The following RAD51B variants were observed in gnomAD, a reference collection of about 807,000 sequenced individuals.
RAD51B encodes the protein RAD51 paralog B, also known as DNA repair protein RAD51 homolog 2.
In RAD51B, 38 loss-of-function variants were observed where a neutral mutation model predicts 42.2. The observed-to-expected ratio is 0.90, with a 90% CI of 0.70 to 1.18. The LOEUF is 1.18. Among genes scored for constraint, RAD51B ranks in the 50% most tolerant of loss-of-function variants. The pLI is 0.00. For synonymous variants in RAD51B, 154 were observed against 145.2 expected (o/e 1.06, Z -0.43); for missense variants, 373 against 400.7 (o/e 0.93, Z 0.59).
chr14:68,134,896 A>G (rs1319001703), intron 7 of RAD51B, among the ~76,000 whole-genome samples: 1 of 151,846 alleles, frequency 6.6e-6, no homozygotes, highest in East Asian at 1.9e-4. Context: ...CATCCTGTTA[A>G]CAGGGTTTTT....
intron 7 of RAD51B, among the ~76,000 whole-genome samples, chr14:68,184,078 G>GGGA (rs2079107067): frequency 7.7e-6 from 1 of 129,404 alleles, no homozygotes; most frequent in Non-Finnish European, 1.6e-5. Context: ...GGGCGACAGA[G>GGGA]GGAGACTCCA....
chr14:68,602,799 C>T (rs189018372), intron 10 of RAD51B, among the ~76,000 whole-genome samples: 6 of 152,200 alleles, frequency 3.9e-5, no homozygotes, highest in East Asian at 1.9e-4. Flanking sequence ...ACGAGATATC[C>T]GGGTACTATG....
intron 9 of RAD51B, among the ~76,000 whole-genome samples, chr14:68,416,869 A>G (rs1271377117): frequency 1.3e-5 from 2 of 152,224 alleles, no homozygotes; most frequent in Non-Finnish European, 2.9e-5. Context: ...GCTTTCAGGG[A>G]CCAGATAGCA....
chr14:68,059,373 G>A (rs1428410140), intron 7 of RAD51B, among the ~76,000 whole-genome samples: 1 of 152,052 alleles, frequency 6.6e-6, no homozygotes, highest in Non-Finnish European at 1.5e-5. Flanking sequence ...GAGTTTTCAC[G>A]TTGACCTTCA....
At chr14:68,322,764 A>C (rs2139770127) in intron 8 of RAD51B, among the ~76,000 whole-genome samples, 1 of 152,316 alleles carries the variant, frequency 6.6e-6, no homozygotes, top group African/African-American at 2.4e-5. Flanking sequence ...AAGCTAGGAC[A>C]GGCCTGGGTA....
intron 7 of RAD51B, among the ~76,000 whole-genome samples, chr14:68,105,814 C>T (rs1224141713): frequency 6.6e-6 from 1 of 151,926 alleles, no homozygotes. Flanking sequence ...CATTTACAAG[C>T]ACAGAAACAA....
At chr14:67,973,216 T>C (rs2074930770) in intron 7 of RAD51B, among the ~76,000 whole-genome samples, 1 of 152,146 alleles carries the variant, frequency 6.6e-6, no homozygotes, top group African/African-American at 2.4e-5. Context: ...GTAAGTGAGC[T>C]TGAATTCAAC....
At chr14:68,310,827 A>G (rs2081954878) in intron 8 of RAD51B, among the ~76,000 whole-genome samples, 1 of 152,198 alleles carries the variant, frequency 6.6e-6, no homozygotes, top group Non-Finnish European at 1.5e-5. Flanking sequence ...CCTGGGCCAC[A>G]GAGCAAGACT....
intron 10 of RAD51B, among the ~76,000 whole-genome samples, chr14:68,637,807 TAC>T (rs898501054): frequency 5.9e-5 from 9 of 151,996 alleles, no homozygotes; most frequent in East Asian, 1.9e-4. Context: ...CCTCTTCACA[TAC>T]ACACACACAC....
chr14:68,337,654 T>A (rs1406606097), intron 8 of RAD51B, among the ~76,000 whole-genome samples: 3 of 152,238 alleles, frequency 2.0e-5, no homozygotes, highest in African/African-American at 7.2e-5. Context: ...ACCAGCTGAA[T>A]CAGAATCCCT....
chr14:68,099,486 C>G (rs1322231193), intron 7 of RAD51B, among the ~76,000 whole-genome samples: 3 of 152,152 alleles, frequency 2.0e-5, no homozygotes, highest in African/African-American at 7.2e-5. Flanking sequence ...GATCCTGTTC[C>G]TTGCTCTGTC....
intron 7 of RAD51B, among the ~76,000 whole-genome samples, chr14:67,993,912 C>T (rs187827912): frequency 7.2e-5 from 11 of 152,156 alleles, no homozygotes; most frequent in East Asian, 3.9e-4. Context: ...TGATTTTTAA[C>T]GCTGTATGCT....
intron 7 of RAD51B, among the ~76,000 whole-genome samples, chr14:68,272,244 C>A (rs1334638968): frequency 6.6e-6 from 1 of 152,044 alleles, no homozygotes; most frequent in Non-Finnish European, 1.5e-5. Context: ...GTTTCATTGG[C>A]TTCCACTTCC....
At chr14:67,956,220 C>A (rs1228014987) in intron 7 of RAD51B, among the ~76,000 whole-genome samples, 1 of 152,094 alleles carries the variant, frequency 6.6e-6, no homozygotes, top group Non-Finnish European at 1.5e-5. Flanking sequence ...AAGTATCTGG[C>A]CGGGTGTGGT....
chr14:68,503,081 G>A (rs900706838), intron 10 of RAD51B, among the ~76,000 whole-genome samples: 9 of 152,208 alleles, frequency 5.9e-5, no homozygotes, highest in African/African-American at 2.2e-4. Context: ...GACACTTCAT[G>A]GAGCCTGCAG....
At position 68,277,457 on chromosome 14, in the gene RAD51B, A is replaced by G. The variant is rs959911742; in HGVS notation, c.757-14427A>G. 2.0e-5 allele frequency among the ~76,000 whole-genome samples: 3 copies of G among 152,200 alleles called. No homozygotes were observed. The East Asian group carries it at 5.8e-4, about 29-fold the overall frequency. On this transcript the variant is annotated intron_variant, in intron 7 of 10. Coordinates refer to ENST00000471583, the MANE Select transcript of RAD51B (RefSeq NM_133510.4). ...CCTCCCCTTCAGGATCAAGGAATGT[A>G]AAGACCATGAGATATGGAGTCAGAC...
intron 7 of RAD51B, among the ~76,000 whole-genome samples, chr14:68,126,535 G>A (rs894049601): frequency 6.6e-6 from 1 of 152,150 alleles, no homozygotes; most frequent in African/African-American, 2.4e-5. Flanking sequence ...TTTCATGTAT[G>A]ACACGTTGAT....
chr14:68,170,479 A>C (rs2078849984), intron 7 of RAD51B, among the ~76,000 whole-genome samples: 1 of 152,170 alleles, frequency 6.6e-6, no homozygotes, highest in Non-Finnish European at 1.5e-5. Context: ...TTTTTCCAAT[A>C]ATAAAAGTAC....
chr14:68,210,408 C>T, intron 7 of RAD51B, among the ~76,000 whole-genome samples: 1 of 152,130 alleles, frequency 6.6e-6, no homozygotes, highest in East Asian at 1.9e-4. Flanking sequence ...ACTCTGGAGC[C>T]AAATAGATAG....
Sources: gnomAD v4.1 joint callset for allele counts (sites outside exome capture counted in the v4.1 genomes callset) on GRCh38, gnomAD v4.1.1 for gene constraint, MANE v1.5 for transcripts, NCBI Gene and HGNC (gene_info 2026-07-23, HGNC 2026-07-21) for gene names.